The following AOAH variants were observed in gnomAD, a reference collection of about 807,000 sequenced individuals.
The protein encoded by AOAH is acyloxyacyl hydrolase.
Under a neutral mutation model 92.2 loss-of-function variants are expected in AOAH, and 64 were observed. That is an observed-to-expected ratio of 0.69 (90% CI 0.57 to 0.86). AOAH has a LOEUF of 0.86. Ranked by LOEUF, AOAH falls within the 40% of genes least tolerant of loss-of-function variation. AOAH has a pLI of 0.00. For missense variants in AOAH, 656 were observed against 694.6 expected, an observed-to-expected ratio of 0.94 and a Z score of 0.62; for synonymous variants, 263 against 254.5, an observed-to-expected ratio of 1.03 and a Z score of -0.32.
chr7:36,621,113 G>A (rs1583964757), intron 8 of AOAH, among the ~76,000 whole-genome samples: 1 of 152,308 alleles, frequency 6.6e-6, no homozygotes, highest in African/African-American at 2.4e-5. Context: ...GCATTGTTGT[G>A]GAATGGTGCC....
chr7:36,567,677 C>CT (rs1181543687), intron 13 of AOAH, among the ~76,000 whole-genome samples: 2 of 152,206 alleles, frequency 1.3e-5, no homozygotes, highest in African/African-American at 4.8e-5. Context: ...CGTCTAGGGC[C>CT]TGTGAGGACA....
intron 1 of AOAH, among the ~76,000 whole-genome samples, chr7:36,695,598 G>A (rs1051100752): frequency 3.9e-5 from 6 of 152,102 alleles, no homozygotes; most frequent in Non-Finnish European, 7.4e-5. Flanking sequence ...TTCAAATTCT[G>A]AACTATTTTA....
chr7:36,672,339 G>A (rs776218484), intron 3 of AOAH, among the ~76,000 whole-genome samples: 18 of 152,136 alleles, frequency 1.2e-4, no homozygotes, highest in Non-Finnish European at 2.1e-4. Context: ...CCCTTGAAGA[G>A]GAATCATGTA....
intron 16 of AOAH, among the ~76,000 whole-genome samples, chr7:36,535,995 GC>G (rs1785032409): frequency 1.3e-5 from 2 of 152,206 alleles, no homozygotes; most frequent in African/African-American, 2.4e-5. Flanking sequence ...GCTGTGGGGT[GC>G]CCCAGCCCTT....
intron 20 of AOAH, among the ~76,000 whole-genome samples, chr7:36,514,167 G>T (rs1251372966): frequency 2.0e-5 from 3 of 152,162 alleles, no homozygotes; most frequent in Admixed American, 6.5e-5. Context: ...TGGGGGAAGG[G>T]GTGGGATCTC....
At chr7:36,571,191 T>C (rs1032472877) in intron 13 of AOAH, among the ~76,000 whole-genome samples, 3 of 151,856 alleles carry the variant, frequency 2.0e-5, no homozygotes, top group Admixed American at 6.6e-5. Flanking sequence ...TCTCAAAGAG[T>C]GAAATATACA....
At chr7:36,604,815 G>C (rs1180139129) in intron 11 of AOAH, among the ~76,000 whole-genome samples, 1 of 152,208 alleles carries the variant, frequency 6.6e-6, no homozygotes, top group Non-Finnish European at 1.5e-5. Flanking sequence ...GACCACAGCT[G>C]AGCCCATATC....
chr7:36,638,203 A>T (rs1793654373), intron 4 of AOAH, among the ~76,000 whole-genome samples: 2 of 152,214 alleles, frequency 1.3e-5, no homozygotes, highest in South Asian at 4.1e-4. Context: ...AGATGCAGAA[A>T]AGCTAAGAGA....
intron 16 of AOAH, among the ~76,000 whole-genome samples, chr7:36,538,278 C>T (rs546641190): frequency 6.6e-6 from 1 of 152,050 alleles, no homozygotes; most frequent in East Asian, 1.9e-4. Context: ...CCACCCACCT[C>T]GGCCTCCCAA....
intron 1 of AOAH, among the ~76,000 whole-genome samples, chr7:36,720,802 T>TGAGAG (rs74989652): frequency 6.5e-4 from 11 of 17,026 alleles, no homozygotes; most frequent in African/African-American, 3.9e-3. Context: ...ATCCCTGCTC[T>TGAGAG]CGCATATTCA....
At chr7:36,536,533 A>G (rs1785070154) in intron 16 of AOAH, among the ~76,000 whole-genome samples, 1 of 152,178 alleles carries the variant, frequency 6.6e-6, no homozygotes. Context: ...ACCCTGCTTC[A>G]CTGCTGGCTC....
At chr7:36,594,903 A>C (rs932770023) in intron 11 of AOAH, among the ~76,000 whole-genome samples, 22 of 152,150 alleles carry the variant, frequency 1.4e-4, no homozygotes, top group Non-Finnish European at 4.4e-5. Flanking sequence ...TGGGGGTCTC[A>C]GACATTTTTG....
chr7:36,581,742 T>G (rs1352254738), intron 12 of AOAH, among the ~76,000 whole-genome samples: 2 of 152,208 alleles, frequency 1.3e-5, no homozygotes, highest in Non-Finnish European at 1.5e-5. Flanking sequence ...GTTGCACCTT[T>G]CATTATAAGA....
chr7:36,529,855 T>C (rs1418197957), intron 19 of AOAH, among the ~76,000 whole-genome samples: 1 of 152,246 alleles, frequency 6.6e-6, no homozygotes, highest in East Asian at 1.9e-4. Flanking sequence ...CTCCGGTGTT[T>C]GGACAGAATG....
chr7:36,660,682 G>A (rs182771503), intron 3 of AOAH, among the ~76,000 whole-genome samples: 3 of 152,240 alleles, frequency 2.0e-5, no homozygotes, highest in African/African-American at 7.2e-5. Flanking sequence ...CCCTGGGGAT[G>A]GTATAAGGAC....
At chr7:36,693,862 G>A (rs1797551228) in intron 1 of AOAH, among the ~76,000 whole-genome samples, 2 of 151,964 alleles carry the variant, frequency 1.3e-5, no homozygotes, top group African/African-American at 4.8e-5. Flanking sequence ...CTTTTTCATT[G>A]TTAAACACGT....
At chr7:36,700,286 G>A (rs532243338) in intron 1 of AOAH, among the ~76,000 whole-genome samples, 1 of 151,988 alleles carries the variant, frequency 6.6e-6, no homozygotes, top group East Asian at 1.9e-4. Flanking sequence ...CCCAAATATT[G>A]TACATTGTAC....
intron 11 of AOAH, among the ~76,000 whole-genome samples, chr7:36,606,359 TG>T (rs751849554): frequency 1.3e-5 from 2 of 152,214 alleles, no homozygotes; most frequent in Non-Finnish European, 2.9e-5. Context: ...GGAGCCGCTT[TG>T]CTCTCTAGTG....
intron 11 of AOAH, among the ~76,000 whole-genome samples, chr7:36,611,418 T>C (rs1289195386): frequency 6.6e-6 from 1 of 152,166 alleles, no homozygotes; most frequent in Non-Finnish European, 1.5e-5. Context: ...CCCAAACCAA[T>C]ACCAACAAAT....
Sources: gnomAD v4.1 joint callset for allele counts (sites outside exome capture counted in the v4.1 genomes callset) on GRCh38, gnomAD v4.1.1 for gene constraint, MANE v1.5 for transcripts, NCBI Gene and HGNC (gene_info 2026-07-23, HGNC 2026-07-21) for gene names.